The following TRPV1 variants were observed in gnomAD, a reference collection of about 807,000 sequenced individuals.
TRPV1 encodes transient receptor potential cation channel subfamily V member 1.
A neutral mutation model predicts 82.3 loss-of-function variants in TRPV1; 82 were observed. The observed-to-expected ratio is 1.00, with a 90% CI of 0.83 to 1.20. The LOEUF (loss-of-function observed/expected upper bound fraction) is 1.20, where lower values mean the gene tolerates loss of function less well. TRPV1 is among the 50% of genes most tolerant of loss of function. The pLI, the probability that TRPV1 is intolerant of heterozygous loss-of-function variation, is 0.00. For missense variants in TRPV1, 1,067 were observed against 1,096.8 expected, an observed-to-expected ratio of 0.97 and a Z score of 0.38; for synonymous variants, 515 against 467.7, an observed-to-expected ratio of 1.10 and a Z score of -1.30.
intron 2 of TRPV1, chr17:3,595,841 C>G (rs998424955): frequency 2.6e-5 from 4 of 152,214 alleles, no homozygotes; most frequent in African/African-American, 9.7e-5. Context: ...CACCTGATTC[C>G]CTACTGGAAA....
Position 3,566,486 on chromosome 17 carries a change from T to G in TRPV1, c.*329A>C. 1 of 175,804 alleles carries G rather than the reference T, an allele frequency of 5.7e-6. No homozygotes were observed. Among genetic ancestry groups the G allele is most frequent in the Non-Finnish European group, 1.2e-5 (1 of 84,060 alleles). The allele number at this position is 175,804 out of a possible 1,614,324, so 10.9% of individuals were successfully genotyped here. ...TCCAGCCTGGGTGAGAAGAGTGAAA[T>G]TCTGTCTCAAAAAAAAGAATAAAAT... is the stretch of plus-strand genomic sequence containing the variant. On this transcript the variant is annotated 3_prime_UTR_variant, in exon 17 of 17. Coordinates refer to ENST00000572705, the MANE Select transcript of TRPV1 (RefSeq NM_080704.4).
chr17:3,566,927 C>A lies in TRPV1; in HGVS notation c.2408G>T (p.Arg803Leu). ...LVPLLREASA[R>L]DRQSAQPEEV... is the part of the protein sequence containing the mutation. ...CTCGGGCTGAGCAGACTGCCTATCT[C>A]GAGCACTTGCCTCTCTTAAAAGGGG... Residue 803 changes from arginine to leucine, a missense_variant, in exon 17 of 17, where the codon CGA becomes CTA. By Grantham distance (102) the Arg-to-Leu change is moderately radical. Transcript: ENST00000572705. 6.2e-7 allele frequency: 1 copy of A among 1,613,970 alleles called. No homozygotes were observed. Among genetic ancestry groups the A allele is most frequent in the Non-Finnish European group, 8.5e-7 (1 of 1,179,878 alleles).
intron 8 of TRPV1, among the ~76,000 whole-genome samples, chr17:3,587,071 T>TC (rs2075094069): frequency 6.6e-6 from 1 of 152,152 alleles, no homozygotes; most frequent in African/African-American, 2.4e-5. Context: ...AAGTCCACAC[T>TC]CCTTGTCCCT....
At chr17:3,567,024 A>G in intron 16 of TRPV1, 37 bp from the exon 17 acceptor site, 1 of 1,605,544 alleles carries the variant, frequency 6.2e-7, no homozygotes, top group Non-Finnish European at 8.5e-7. Flanking sequence ...GGATGCAACA[A>G]AACAAACATT....
At chr17:3,599,530 A>T (rs1020428736) in intron 2 of TRPV1, among the ~76,000 whole-genome samples, 13 of 134,974 alleles carry the variant, frequency 9.6e-5, no homozygotes, top group African/African-American at 5.1e-4. Context: ...ATCATACAGT[A>T]TTTGTCTCTT....
chr17:3,601,610 T>C (rs2075264004), intron 2 of TRPV1, among the ~76,000 whole-genome samples: 1 of 151,968 alleles, frequency 6.6e-6, no homozygotes, highest in African/African-American at 2.4e-5. Context: ...CTCACCTTTT[T>C]TTTTTAAAGA....
intron 16 of TRPV1, among the ~76,000 whole-genome samples, chr17:3,571,289 C>T (rs1308782749): frequency 3.3e-5 from 5 of 152,142 alleles, no homozygotes; most frequent in South Asian, 2.1e-4. Context: ...CTGGCACAGC[C>T]GCCTGCACGG....
rs201334040 is a variant in TRPV1 at position 3,592,127 on chromosome 17, G to T, written c.224C>A (p.Thr75Asn). The change falls in exon 3 of 17, where the codon ACC becomes AAC. Residue 75 changes from threonine (T) to asparagine (N), a missense_variant. Transcript: ENST00000572705. ...GGTGATAACAGGGCTGACTGTGATG[G>T]TCGGGCAGGAGTCCAGCTCACCTTC... ...HEEGELDSCPTITVSPVITIQ... is the reference protein window; with the variant it reads ...HEEGELDSCPNITVSPVITIQ... 47 of 1,613,794 alleles carry T rather than the reference G, an allele frequency of 2.9e-5. No homozygotes were observed. Among genetic ancestry groups the T allele is most frequent in the Non-Finnish European group, 3.9e-5 (46 of 1,179,882 alleles).
intron 15 of TRPV1, among the ~76,000 whole-genome samples, 195 bp from the exon 16 acceptor site, chr17:3,571,834 G>T (rs968497951): frequency 6.6e-6 from 1 of 152,152 alleles, no homozygotes; most frequent in African/African-American, 2.4e-5. Context: ...GGCCCAGGGG[G>T]ACTTCACATA....
chr17:3,567,152 G>A (rs1328488449), intron 16 of TRPV1, among the ~76,000 whole-genome samples, 165 bp from the exon 17 acceptor site: 3 of 149,994 alleles, frequency 2.0e-5, no homozygotes, highest in African/African-American at 7.4e-5. Context: ...GAGGTCAGGA[G>A]TTCAAGACCA....
chr17:3,580,345 A>AT, intron 11 of TRPV1, 112 bp downstream of exon 11: 1 of 1,046,746 alleles, frequency 9.6e-7, no homozygotes, highest in East Asian at 2.4e-5. Flanking sequence ...TTCCCTCAGC[A>AT]TGTTCACTGA....
intron 7 of TRPV1, 58 bp from the exon 8 acceptor site, chr17:3,588,425 T>C: frequency 6.6e-7 from 1 of 1,519,666 alleles, no homozygotes; most frequent in Middle Eastern, 2.1e-4. Context: ...CCTCAGACAG[T>C]ACCTCAACAA....
chr17:3,583,163 T>A (rs1300017304), intron 10 of TRPV1, among the ~76,000 whole-genome samples, 175 bp downstream of exon 10: 1 of 152,102 alleles, frequency 6.6e-6, no homozygotes, highest in Admixed American at 6.6e-5. Flanking sequence ...CTGAGCACCC[T>A]CCCGCCCCGC....
chr17:3,591,390 C>A (rs748534645), intron 3 of TRPV1, 37 bp from the exon 4 acceptor site: 19 of 1,533,286 alleles, frequency 1.2e-5, no homozygotes, highest in Non-Finnish European at 1.7e-5. Context: ...CATACCCTGG[C>A]CTCCCCTCGG....
At chr17:3,572,921 T>G (rs1449384036) in intron 14 of TRPV1, among the ~76,000 whole-genome samples, 1 of 138,040 alleles carries the variant, frequency 7.2e-6, no homozygotes, top group Non-Finnish European at 1.5e-5. Context: ...AGGCAGAGGT[T>G]GCAGTCAGCC....
At chr17:3,590,722 C>T (rs983549552) in intron 5 of TRPV1, among the ~76,000 whole-genome samples, 2 of 152,040 alleles carry the variant, frequency 1.3e-5, no homozygotes, top group African/African-American at 4.8e-5. Flanking sequence ...CAGGGGGAGG[C>T]AGGGACTTCT....
chr17:3,578,910 C>T (rs546747923), intron 11 of TRPV1: 1 of 152,148 alleles, frequency 6.6e-6, no homozygotes, highest in Non-Finnish European at 1.5e-5. Context: ...TTATCCTAAG[C>T]AAATTAACAC....
At chr17:3,599,353 T>G (rs895942490) in intron 2 of TRPV1, among the ~76,000 whole-genome samples, 2 of 152,194 alleles carry the variant, frequency 1.3e-5, no homozygotes, top group Admixed American at 6.5e-5. Context: ...TTCACACTGT[T>G]GTACAACCAT....
At chr17:3,595,220 T>G (rs1469283380) in intron 2 of TRPV1, among the ~76,000 whole-genome samples, 1 of 152,144 alleles carries the variant, frequency 6.6e-6, no homozygotes, top group Non-Finnish European at 1.5e-5. Flanking sequence ...TTCACCCACT[T>G]CATTCCCACA....
Sources: gnomAD v4.1 joint callset for allele counts (sites outside exome capture counted in the v4.1 genomes callset) on GRCh38, gnomAD v4.1.1 for gene constraint, MANE v1.5 for transcripts, NCBI Gene and HGNC (gene_info 2026-07-23, HGNC 2026-07-21) for gene names.